Variants in DGKA observed in about 807,000 individuals in gnomAD.
DGKA encodes the protein 80 kDa diacylglycerol kinase.
A neutral mutation model predicts 105.0 loss-of-function variants in DGKA; 35 were observed. That is an observed-to-expected ratio of 0.33 (90% CI 0.25 to 0.44). DGKA has a LOEUF of 0.44. DGKA is among the 20% of genes least tolerant of loss of function. DGKA has a pLI of 1.00. For synonymous variants in DGKA, 296 were observed against 332.0 expected (o/e 0.89, Z 1.18); for missense variants, 665 against 915.0 (o/e 0.73, Z 3.53).
chr12:55,938,113 T>C, intron 5 of DGKA, 61 bp downstream of exon 5: 2 of 1,440,708 alleles, frequency 1.4e-6, no homozygotes, highest in Non-Finnish European at 1.9e-6. Flanking sequence ...GTGTTTCCCA[T>C]CCTCCTTTCC....
chr12:55,928,769 C>T (rs1883249577), upstream of DGKA, among the ~76,000 whole-genome samples: 1 of 147,922 alleles, frequency 6.8e-6, no homozygotes. Context: ...CAGAAGTTTT[C>T]TGGGGGCCGC....
intron 18 of DGKA, 83 bp from the exon 19 acceptor site, chr12:55,951,952 G>T: frequency 6.5e-7 from 1 of 1,532,244 alleles, no homozygotes; most frequent in Non-Finnish European, 9.0e-7. Context: ...GCTGTGGGGA[G>T]CAGCATGGGG....
Position 55,940,348 on chromosome 12 carries a change from A to T in DGKA, c.833A>T (p.Glu278Val). 6.2e-7 allele frequency: 1 copy of T among 1,614,196 alleles called. No individual in the cohort carries two copies. Among genetic ancestry groups the T allele is most frequent in the Non-Finnish European group, 8.5e-7 (1 of 1,180,036 alleles). The change falls in exon 11 of 24, where the codon GAG becomes GTG. Residue 278 changes from glutamate to valine, a missense_variant. Transcript: ENST00000331886. The surrounding 1 kb of genome is among the most constrained non-coding windows in gnomAD (Gnocchi z 4.3). ...QSHVWVRGGC[E>V]SGRCDRCQKK... ...CATGTGTGGGTGCGAGGAGGCTGTG[A>T]GTCCGGGCGCTGCGACCGCTGTCAG...
At position 55,932,712 on chromosome 12, in the gene DGKA, CA is replaced by C. The variant is rs1883880732; in HGVS notation, c.-82+1369del. 4.2e-5 allele frequency: 4 copies of C among 95,916 alleles called. No individual in the cohort carries two copies. In the African/African-American group the frequency reaches 7.9e-4, roughly 19 times the overall value. 5.9% of individuals were successfully genotyped at this position (95,916 alleles called of 1,614,324 possible). On this transcript the variant is annotated intron_variant, in intron 1 of 23. Coordinates refer to ENST00000331886, the MANE Select transcript of DGKA (RefSeq NM_001345.5). This position sits in a 1 kb window ranked among gnomAD's most constrained non-coding sequence, Gnocchi z 4.3. The stretch of plus-strand genomic sequence containing the variant: ...CCCTCTACACACACACACACACGCA[CA>C]CACACACACACACACACACACACAC...
At chr12:55,930,191 A>G (rs963982021), upstream of DGKA, among the ~76,000 whole-genome samples, 2 of 152,032 alleles carry the variant, frequency 1.3e-5, no homozygotes, top group Non-Finnish European at 2.9e-5. Context: ...AAACTGGACT[A>G]TGTTTTTGCT....
intron 5 of DGKA, 105 bp from the exon 6 acceptor site, chr12:55,938,406 C>T: frequency 6.9e-7 from 1 of 1,457,410 alleles, no homozygotes; most frequent in South Asian, 1.2e-5. Context: ...CTAGGCTTCT[C>T]ACCCAAAAGC....
At chr12:55,936,950 G>A (rs1235077643) in intron 2 of DGKA, 67 bp from the exon 3 acceptor site, 1 of 1,376,590 alleles carries the variant, frequency 7.3e-7, no homozygotes, top group Non-Finnish European at 1.0e-6. Flanking sequence ...TTTTCCTGCT[G>A]GATTTCTCTG....
chr12:55,928,859 T>A (rs1251859637), upstream of DGKA, among the ~76,000 whole-genome samples: 1 of 151,130 alleles, frequency 6.6e-6, no homozygotes. Context: ...GGGGCTCATT[T>A]AAAAAGTATT....
At chr12:55,951,962 G>C in intron 18 of DGKA, 73 bp from the exon 19 acceptor site, 3 of 1,577,000 alleles carry the variant, frequency 1.9e-6, no homozygotes, top group Non-Finnish European at 2.6e-6. Context: ...GCAGCATGGG[G>C]ACTTGGGAAA....
In DGKA at chr12:55,953,712, C is replaced by T. The variant is rs780605561; in HGVS notation, c.2152C>T (p.Pro718Ser). The T allele has an allele frequency of 2.5e-6, 4 of 1,614,162 alleles. No homozygotes were observed. The highest frequency in any genetic ancestry group is 3.4e-6 in the Non-Finnish European group (4 of 1,180,036). ...TIKITHKNQM[P>S]MLMGPPPRST... ...CAAGATCACCCACAAGAACCAGATG[C>T]CCATGCTCATGGGCCCACCCCCCCG... The change falls in exon 24 of 24, where the codon CCC becomes TCC. Residue 718 changes from proline (P) to serine (S), a missense_variant. By Grantham distance (74) the Pro-to-Ser change is moderately conservative (BLOSUM62 -1). Transcript: ENST00000331886.
intron 17 of DGKA, among the ~76,000 whole-genome samples, chr12:55,947,227 C>T (rs1334684123): frequency 2.6e-5 from 4 of 152,104 alleles, no homozygotes; most frequent in Non-Finnish European, 5.9e-5. Flanking sequence ...TCAGGTGATC[C>T]ACCTGCCTTG....
intron 6 of DGKA, 75 bp downstream of exon 6, chr12:55,938,635 C>T (rs751330011): frequency 6.2e-7 from 1 of 1,610,384 alleles, no homozygotes; most frequent in Non-Finnish European, 8.5e-7. Flanking sequence ...CCAACTCTTC[C>T]AGGGTCTTAA....
At position 55,940,911 on chromosome 12, in the gene DGKA, T is replaced by A. The variant is rs1471915169; in HGVS notation, c.1032T>A (p.Asp344Glu). The change falls in exon 13 of 24, where the codon GAT becomes GAA. Residue 344 changes from aspartate to glutamate, a missense_variant. Physicochemically the swap from Asp to Glu is conservative, Grantham distance 45. Transcript: ENST00000331886. The surrounding 1 kb of genome is among the most constrained non-coding windows in gnomAD (Gnocchi z 4.3). ...TCCCCTCCCAGGCCTCTGGACCGGA[T>A]CGTAAAAATAGCAAAACAAGCCAGA... ...IYPSVLASGP[D>E]RKNSKTSQKT... 7 of 1,614,042 alleles carry A rather than the reference T, an allele frequency of 4.3e-6. No homozygotes were observed. The highest frequency in any genetic ancestry group is 5.9e-6 in the Non-Finnish European group (7 of 1,180,008).
chr12:55,947,825 C>T (rs2101718), intron 17 of DGKA, among the ~76,000 whole-genome samples: 127,825 of 152,052 alleles, frequency 0.84, 54,072 homozygotes, highest in African/African-American at 0.93. Flanking sequence ...AGTTCCACTC[C>T]TGTTACCCAG....
rs907948058 is a variant in DGKA, at chr12:55,932,479, T to C, written c.-82+1135T>C. Reference sequence around the variant, plus strand: ...CTTGTTTGGCCTCCAGGTCCCCAACTTCCCACCCCATCCTCTCCCCACCTG... The same window carrying C: ...CTTGTTTGGCCTCCAGGTCCCCAACCTCCCACCCCATCCTCTCCCCACCTG... On this transcript the variant is annotated intron_variant, in intron 1 of 23. Transcript: ENST00000331886. This position sits in a 1 kb window ranked among gnomAD's most constrained non-coding sequence, Gnocchi z 4.3. The C allele has an allele frequency of 1.7e-5, 12 of 699,628 alleles. No homozygotes were observed. Among genetic ancestry groups the C allele is most frequent in the Non-Finnish European group, 2.9e-5 (11 of 383,134 alleles). 43.3% of individuals were successfully genotyped at this position (699,628 alleles called of 1,614,324 possible).
chr12:55,951,564 T>C (rs565545158), intron 17 of DGKA, 59 bp from the exon 18 acceptor site: 1 of 1,557,352 alleles, frequency 6.4e-7, no homozygotes, highest in South Asian at 1.2e-5. Flanking sequence ...AGCTGGGAGC[T>C]GAGAAGAGGC....
At chr12:55,953,642 A>G (rs772233226) in intron 23 of DGKA, 43 bp from the exon 24 acceptor site, 2 of 1,589,642 alleles carry the variant, frequency 1.3e-6, no homozygotes, top group Admixed American at 1.7e-5. Context: ...CACAGCCCCA[A>G]AGTATCAGGT....
intron 18 of DGKA, 57 bp downstream of exon 18, chr12:55,951,840 C>G: frequency 6.3e-7 from 1 of 1,590,338 alleles, no homozygotes; most frequent in East Asian, 2.2e-5. Context: ...CAGTCAGAGG[C>G]TGGAGGAGAG....
chr12:55,932,449 G>C lies in DGKA; in HGVS notation c.-82+1105G>C. On this transcript the variant is annotated intron_variant, in intron 1 of 23. Transcript: ENST00000331886. This position sits in a 1 kb window ranked among gnomAD's most constrained non-coding sequence, Gnocchi z 4.3. Reference sequence around the variant, plus strand: ...TCCACAGTGCCGCACGGGTGGAGAAGGGTTCTTGTTTGGCCTCCAGGTCCC... The same window carrying C: ...TCCACAGTGCCGCACGGGTGGAGAACGGTTCTTGTTTGGCCTCCAGGTCCC... 1 of 685,774 alleles carries C rather than the reference G, an allele frequency of 1.5e-6. No individual in the cohort carries two copies. Among genetic ancestry groups the C allele is most frequent in the Non-Finnish European group, 2.7e-6 (1 of 375,076 alleles). The allele number at this position is 685,774 out of a possible 1,614,324, so 42.5% of individuals were successfully genotyped here.
Sources: gnomAD v4.1 joint callset for allele counts (sites outside exome capture counted in the v4.1 genomes callset) on GRCh38, gnomAD v4.1.1 for gene constraint, Gnocchi (gnomAD v3.1) non-coding constraint, MANE v1.5 for transcripts, NCBI Gene and HGNC (gene_info 2026-07-23, HGNC 2026-07-21) for gene names.